Variants in ANKS1B observed in about 807,000 individuals in gnomAD.
ANKS1B encodes ankyrin repeat and sterile alpha motif domain-containing protein 1B.
Under a neutral mutation model 148.3 loss-of-function variants are expected in ANKS1B, and 36 were observed. The observed-to-expected ratio is 0.24, with a 90% CI of 0.19 to 0.32. The LOEUF (loss-of-function observed/expected upper bound fraction) is 0.32. ANKS1B is among the 10% of genes least tolerant of loss of function. The pLI is 1.00. For missense variants in ANKS1B, 1,157 were observed against 1,542.6 expected, an observed-to-expected ratio of 0.75 and a Z score of 4.19; for synonymous variants, 542 against 560.8, an observed-to-expected ratio of 0.97 and a Z score of 0.47.
At chr12:98,830,805 C>T (rs2099302783) in intron 18 of ANKS1B, among the ~76,000 whole-genome samples, 1 of 152,088 alleles carries the variant, frequency 6.6e-6, no homozygotes, top group Admixed American at 6.5e-5. Flanking sequence ...GACTGCCGGC[C>T]ACTTCTTGCC....
At chr12:99,619,372 C>G (rs906694832) in intron 9 of ANKS1B, among the ~76,000 whole-genome samples, 2 of 151,948 alleles carry the variant, frequency 1.3e-5, no homozygotes, top group Admixed American at 1.3e-4. Flanking sequence ...GGCCAGACCT[C>G]CAGGCATTTA....
chr12:99,339,146 A>G (rs1732945144), intron 12 of ANKS1B, among the ~76,000 whole-genome samples: 1 of 152,162 alleles, frequency 6.6e-6, no homozygotes, highest in Non-Finnish European at 1.5e-5. Flanking sequence ...AAGTTTATTT[A>G]GGACCCAAGG....
At chr12:99,350,196 C>T (rs555538782) in intron 12 of ANKS1B, among the ~76,000 whole-genome samples, 67 of 152,052 alleles carry the variant, frequency 4.4e-4, no homozygotes, top group Admixed American at 1.0e-3. Flanking sequence ...CCTGCTCTGG[C>T]CCTGTAAGAT....
At chr12:99,777,499 AT>A (rs1200330546) in intron 6 of ANKS1B, among the ~76,000 whole-genome samples, 5 of 152,110 alleles carry the variant, frequency 3.3e-5, no homozygotes, top group Admixed American at 3.3e-4. Context: ...GTCACACCCC[AT>A]TTTCTAGTGG....
intron 12 of ANKS1B, among the ~76,000 whole-genome samples, chr12:99,335,905 T>G (rs1480755355): frequency 6.6e-6 from 1 of 152,162 alleles, no homozygotes; most frequent in African/African-American, 2.4e-5. Flanking sequence ...GATCATATGA[T>G]AGTTCTAGTT....
At chr12:98,980,294 A>G (rs1186731622) in intron 17 of ANKS1B, among the ~76,000 whole-genome samples, 2 of 152,106 alleles carry the variant, frequency 1.3e-5, no homozygotes, top group Non-Finnish European at 2.9e-5. Flanking sequence ...TCCGCCTCCC[A>G]GGTACCCGCC....
At chr12:99,765,180 C>T (rs2062530524) in intron 8 of ANKS1B, among the ~76,000 whole-genome samples, 2 of 152,142 alleles carry the variant, frequency 1.3e-5, no homozygotes, top group African/African-American at 2.4e-5. Context: ...CTGATTCCCA[C>T]GTTGAGGATA....
At chr12:99,152,230 A>G (rs1390072146) in intron 15 of ANKS1B, among the ~76,000 whole-genome samples, 3 of 152,180 alleles carry the variant, frequency 2.0e-5, no homozygotes, top group Admixed American at 2.0e-4. Flanking sequence ...TAAAGCACTA[A>G]TTGATTATAC....
chr12:98,922,092 T>G (rs1425439363), intron 17 of ANKS1B, among the ~76,000 whole-genome samples: 2 of 152,214 alleles, frequency 1.3e-5, no homozygotes. Context: ...AATTGCTGAG[T>G]GCTAGTGTAT....
intron 9 of ANKS1B, among the ~76,000 whole-genome samples, chr12:99,604,189 C>A (rs764786856): frequency 6.6e-6 from 1 of 151,998 alleles, no homozygotes; most frequent in South Asian, 2.1e-4. Flanking sequence ...CTGTGGCATA[C>A]AACATTTTAA....
intron 10 of ANKS1B, among the ~76,000 whole-genome samples, chr12:99,464,879 T>C (rs1338116104): frequency 1.3e-5 from 2 of 152,170 alleles, no homozygotes; most frequent in East Asian, 3.9e-4. Flanking sequence ...CAGGATATTA[T>C]GTAGGAGAAC....
At chr12:99,743,077 C>CT (rs1329826062) in intron 8 of ANKS1B, among the ~76,000 whole-genome samples, 1 of 152,104 alleles carries the variant, frequency 6.6e-6, no homozygotes, top group Non-Finnish European at 1.5e-5. Context: ...AGTTTATAGC[C>CT]TAGCAGGCAG....
At chr12:99,865,953 T>C (rs2090692111) in intron 1 of ANKS1B, among the ~76,000 whole-genome samples, 2 of 152,152 alleles carry the variant, frequency 1.3e-5, no homozygotes, top group South Asian at 4.1e-4. Context: ...TGTGCTCCTC[T>C]AACCAGTAAT....
intron 8 of ANKS1B, among the ~76,000 whole-genome samples, chr12:99,711,591 A>T (rs1047039131): frequency 2.0e-5 from 3 of 152,146 alleles, no homozygotes; most frequent in African/African-American, 7.2e-5. Flanking sequence ...CAAGCATATG[A>T]AAAAAAGCTC....
In ANKS1B at chr12:99,359,533, G is replaced by A. The variant is rs59787964; in HGVS notation, c.1756+40098C>T. Among the ~76,000 whole-genome samples, 1,058 of 152,084 alleles carry A rather than the reference G, an allele frequency of 7.0e-3. 13 individuals carry two copies. Among genetic ancestry groups the A allele is most frequent in the African/African-American group, 0.024 (1,003 of 41,498 alleles). On this transcript the variant is annotated intron_variant, in intron 12 of 26. Transcript: ENST00000683438. ...TTATTCTTTCTATAGGAGTGCTGAG[G>A]CTTATGAAAATAGTTTCTTATTGTT...
At chr12:98,781,284 A>C (rs932322942) in intron 23 of ANKS1B, 81 bp from the exon 24 acceptor site, 2 of 772,976 alleles carry the variant, frequency 2.6e-6, no homozygotes, top group Non-Finnish European at 4.5e-6. Context: ...CCTGAAAGAT[A>C]AAGATGAGCT....
intron 9 of ANKS1B, among the ~76,000 whole-genome samples, chr12:99,543,326 G>A (rs117329154): frequency 2.0e-3 from 309 of 152,148 alleles, no homozygotes; most frequent in Non-Finnish European, 3.6e-3. Flanking sequence ...AATAGCAAAA[G>A]TTGGCAAGGA....
intron 8 of ANKS1B, among the ~76,000 whole-genome samples, chr12:99,736,253 C>T (rs1193012355): frequency 6.6e-6 from 1 of 151,866 alleles, no homozygotes; most frequent in Non-Finnish European, 1.5e-5. Context: ...CTAGCCAGAG[C>T]AATCGGGCAA....
intron 1 of ANKS1B, among the ~76,000 whole-genome samples, chr12:99,834,321 T>C (rs527477116): frequency 8.5e-4 from 129 of 152,330 alleles, no homozygotes; most frequent in Middle Eastern, 3.4e-3. Context: ...AAGCAATTTA[T>C]AGATCCTTGG....
Sources: gnomAD v4.1 joint callset for allele counts (sites outside exome capture counted in the v4.1 genomes callset) on GRCh38, gnomAD v4.1.1 for gene constraint, MANE v1.5 for transcripts, NCBI Gene and HGNC (gene_info 2026-07-23, HGNC 2026-07-21) for gene names.